PLCL1: variants seen among roughly 807,000 people sequenced by gnomAD.
The protein encoded by PLCL1 is inactive phospholipase C-like protein 1.
Under a neutral mutation model 84.4 loss-of-function variants are expected in PLCL1, and 41 were observed. The ratio of observed to expected loss-of-function variants is 0.49; its 90% confidence interval spans 0.38 to 0.63. The LOEUF (loss-of-function observed/expected upper bound fraction) is 0.63. Among genes scored for constraint, PLCL1 ranks in the 30% least tolerant of loss-of-function variants. PLCL1 has a pLI of 0.00. For synonymous variants in PLCL1, 490 were observed against 488.3 expected, an observed-to-expected ratio of 1.00 and a Z score of -0.05; for missense variants, 1,206 against 1,367.8, an observed-to-expected ratio of 0.88 and a Z score of 1.87.
At chr2:198,100,882 G>A (rs1693315520) in intron 3 of PLCL1, among the ~76,000 whole-genome samples, 1 of 151,910 alleles carries the variant, frequency 6.6e-6, no homozygotes, top group African/African-American at 2.4e-5. Context: ...GCCTCTGGAA[G>A]GATAAAAAAC....
intron 1 of PLCL1, among the ~76,000 whole-genome samples, chr2:197,846,740 G>C (rs958018330): frequency 3.3e-5 from 5 of 152,134 alleles, no homozygotes; most frequent in Non-Finnish European, 7.4e-5. Context: ...GCAAGAAAAA[G>C]TAGTGCAAAT....
At chr2:197,916,570 A>G (rs925734785) in intron 1 of PLCL1, among the ~76,000 whole-genome samples, 5 of 152,062 alleles carry the variant, frequency 3.3e-5, no homozygotes, top group African/African-American at 9.7e-5. Context: ...AGCACTCAAT[A>G]TATATCATCA....
At chr2:198,007,612 T>A (rs1254150391) in intron 1 of PLCL1, among the ~76,000 whole-genome samples, 1 of 152,188 alleles carries the variant, frequency 6.6e-6, no homozygotes, top group Admixed American at 6.5e-5. Flanking sequence ...GTAAAGGATG[T>A]CATTGTATTA....
At chr2:198,078,364 A>G (rs1186069648) in intron 1 of PLCL1, among the ~76,000 whole-genome samples, 1 of 152,202 alleles carries the variant, frequency 6.6e-6, no homozygotes, top group Non-Finnish European at 1.5e-5. Flanking sequence ...TCATGTATCA[A>G]CCAAATTTTT....
In PLCL1 at chr2:198,055,041, G is replaced by T. The variant is rs1020473322; in HGVS notation, c.241-28717G>T. ...ATGATGTTTTATATAGTATATGTGT[G>T]TTGGGAAAGAAAAGAAGAGTCTAAT... On this transcript the variant is annotated intron_variant, in intron 1 of 5. Coordinates refer to ENST00000428675, the MANE Select transcript of PLCL1 (RefSeq NM_006226.4). Among the ~76,000 whole-genome samples, 4 of 152,072 alleles carry T rather than the reference G, an allele frequency of 2.6e-5. No homozygotes were observed. In the East Asian group the frequency reaches 7.8e-4, roughly 30 times the overall value.
At chr2:197,882,801 G>A (rs902171245) in intron 1 of PLCL1, among the ~76,000 whole-genome samples, 1 of 152,066 alleles carries the variant, frequency 6.6e-6, no homozygotes, top group Non-Finnish European at 1.5e-5. Context: ...ATACTTATAA[G>A]GTATAGCAAA....
chr2:197,864,860 C>T (rs989399530), intron 1 of PLCL1, among the ~76,000 whole-genome samples: 3 of 152,246 alleles, frequency 2.0e-5, no homozygotes, highest in African/African-American at 4.8e-5. Flanking sequence ...GTTACAGAAG[C>T]GGTTAAGAAC....
chr2:198,026,858 A>G (rs1691278765), intron 1 of PLCL1, among the ~76,000 whole-genome samples: 1 of 152,206 alleles, frequency 6.6e-6, no homozygotes, highest in South Asian at 2.1e-4. Context: ...AGAAAATACC[A>G]AAGATTACAA....
intron 1 of PLCL1, among the ~76,000 whole-genome samples, chr2:197,865,631 G>T (rs1029629370): frequency 2.6e-5 from 4 of 151,930 alleles, no homozygotes; most frequent in Admixed American, 2.6e-4. Flanking sequence ...AATATAAATC[G>T]GAAATGCTAA....
chr2:197,983,200 C>CTTTTTTTTTTTTTTTTTTTTTTTT lies in PLCL1; in HGVS notation c.241-100542_241-100519dup, dbSNP rs760577848. On this transcript the variant is annotated intron_variant, in intron 1 of 5. Transcript: ENST00000428675. ...TTTCTTTTTCTTTTTCTTTTCTTTTCTTTTTTTTTTTTTTTTTTTTTTTTT... is the reference window on the plus strand; with the variant it reads ...TTTCTTTTTCTTTTTCTTTTCTTTTCTTTTTTTTTTTTTTTTTTTTTTTTTTTTTTTTTTTTTTTTTTTTTTTTT... Among the ~76,000 whole-genome samples, 26 of 60,286 alleles carry CTTTTTTTTTTTTTTTTTTTTTTTT rather than the reference C, an allele frequency of 4.3e-4. 6 individuals carry two copies. Among genetic ancestry groups the CTTTTTTTTTTTTTTTTTTTTTTTT allele is most frequent in the East Asian group, 1.6e-3 (3 of 1,876 alleles). The allele number at this position is 60,286 out of a possible 152,430, so 39.5% of individuals were successfully genotyped here. A position where few individuals can be genotyped will look rare whatever the true frequency, so the allele number is the denominator to read the frequency against.
intron 1 of PLCL1, among the ~76,000 whole-genome samples, chr2:198,041,799 A>ACTGGTAAGTG (rs1412489429): frequency 6.6e-6 from 1 of 152,190 alleles, no homozygotes; most frequent in Admixed American, 6.5e-5. Flanking sequence ...TAAGTGGAGG[A>ACTGGTAAGTG]GAGAATATTC....
intron 1 of PLCL1, among the ~76,000 whole-genome samples, chr2:197,847,526 C>T (rs1235604636): frequency 6.6e-6 from 1 of 151,952 alleles, no homozygotes; most frequent in Admixed American, 6.5e-5. Context: ...CTTCTTTTTC[C>T]AAGCAGACTC....
At chr2:198,127,822 A>G (rs962915158) in intron 5 of PLCL1, among the ~76,000 whole-genome samples, 2 of 152,144 alleles carry the variant, frequency 1.3e-5, no homozygotes, top group Non-Finnish European at 2.9e-5. Flanking sequence ...CTCCCTACCT[A>G]AGTCCAAAGC....
At chr2:197,938,624 G>A (rs758879161) in intron 1 of PLCL1, among the ~76,000 whole-genome samples, 17 of 152,134 alleles carry the variant, frequency 1.1e-4, no homozygotes, top group Admixed American at 3.3e-4. Context: ...CCAGCAGTTG[G>A]TGGGGAAAGG....
chr2:197,959,267 C>T (rs937671538), intron 1 of PLCL1, among the ~76,000 whole-genome samples: 3 of 151,944 alleles, frequency 2.0e-5, no homozygotes, highest in Admixed American at 6.6e-5. Context: ...GGCAGAGACC[C>T]AGGAGAACTG....
chr2:198,085,256 G>C lies in PLCL1; in HGVS notation c.1739G>C (p.Arg580Pro). ...TACAATGGTGAGCAGAAGCAAATCC[G>C]ACTCTGTAGGGAGCTCTCTGATTTG... ...VDYNGEQKQIRLCRELSDLVS... is the reference protein window; with the variant it reads ...VDYNGEQKQIPLCRELSDLVS... Residue 580 changes from arginine (R) to proline (P), a missense_variant, in exon 2 of 6, where the codon CGA (arginine) becomes CCA (proline). Transcript: ENST00000428675. This position sits in a 1 kb window ranked among gnomAD's most constrained non-coding sequence, Gnocchi z 5.3. The C allele has an allele frequency of 1.2e-6, 2 of 1,614,014 alleles. No individual in the cohort carries two copies. The highest frequency in any genetic ancestry group is 1.7e-6 in the Non-Finnish European group (2 of 1,179,906).
chr2:198,129,137 A>G (rs1003275731), intron 5 of PLCL1, among the ~76,000 whole-genome samples: 3 of 152,202 alleles, frequency 2.0e-5, no homozygotes, highest in African/African-American at 7.2e-5. Flanking sequence ...CATATTTTTA[A>G]ATGGCCCTGC....
intron 1 of PLCL1, among the ~76,000 whole-genome samples, chr2:197,986,679 C>T (rs1690226068): frequency 6.6e-6 from 1 of 152,146 alleles, no homozygotes; most frequent in South Asian, 2.1e-4. Context: ...GATTTAACAT[C>T]AGATCAATTG....
At chr2:197,837,204 T>C (rs1470051146) in intron 1 of PLCL1, among the ~76,000 whole-genome samples, 1 of 152,130 alleles carries the variant, frequency 6.6e-6, no homozygotes, top group Admixed American at 6.5e-5. Context: ...GAGGTGAAGA[T>C]GGGATATCCT....
Sources: allele counts gnomAD v4.1 joint callset (sites outside exome capture counted in the v4.1 genomes callset), GRCh38; gene constraint gnomAD v4.1.1; non-coding constraint Gnocchi (gnomAD v3.1); transcripts MANE v1.5; gene names NCBI Gene and HGNC (gene_info 2026-07-23, HGNC 2026-07-21).